MMP24: variants seen among roughly 807,000 people sequenced by gnomAD.
The protein encoded by MMP24 is matrix metalloproteinase-24.
Under a neutral mutation model 62.8 loss-of-function variants are expected in MMP24, and 25 were observed. The ratio of observed to expected loss-of-function variants is 0.40; its 90% CI spans 0.29 to 0.56. The LOEUF is 0.56. Among genes scored for constraint, MMP24 ranks in the 20% least tolerant of loss-of-function variants. The pLI, the probability that MMP24 is intolerant of heterozygous loss-of-function variation, is 0.50. For missense variants in MMP24, 634 were observed against 853.6 expected, an observed-to-expected ratio of 0.74 and a Z score of 3.21; for synonymous variants, 319 against 350.5, an observed-to-expected ratio of 0.91 and a Z score of 1.00.
chr20:35,227,594 C>T (rs1160947671), intron 1 of MMP24, among the ~76,000 whole-genome samples: 1 of 151,908 alleles, frequency 6.6e-6, no homozygotes, highest in East Asian at 1.9e-4. Context: ...AGGCGGCGAG[C>T]TGCTCATCAC....
At chr20:35,245,902 C>T (rs1320072114) in intron 1 of MMP24, among the ~76,000 whole-genome samples, 1 of 151,582 alleles carries the variant, frequency 6.6e-6, no homozygotes, top group African/African-American at 2.4e-5. Flanking sequence ...CACATATTCT[C>T]CTACATATTA....
At chr20:35,261,405 GT>G (rs1265911134) in intron 4 of MMP24, among the ~76,000 whole-genome samples, 1 of 152,194 alleles carries the variant, frequency 6.6e-6, no homozygotes, top group Non-Finnish European at 1.5e-5. Flanking sequence ...ACACAACCCG[GT>G]GAGGTAGGTC....
intron 8 of MMP24, among the ~76,000 whole-genome samples, chr20:35,272,620 G>A (rs1431472723): frequency 6.6e-6 from 1 of 152,166 alleles, no homozygotes; most frequent in African/African-American, 2.4e-5. Context: ...CACTCAGCCT[G>A]TCTCCCCACC....
At chr20:35,247,249 G>T (rs981205915) in intron 2 of MMP24, among the ~76,000 whole-genome samples, 1 of 152,148 alleles carries the variant, frequency 6.6e-6, no homozygotes, top group Non-Finnish European at 1.5e-5. Context: ...AGTACAGTGA[G>T]GGGTTGGGTT....
In MMP24 at chr20:35,271,547, C is replaced by T; in HGVS notation, c.1334-22C>T. On this transcript the variant is annotated intron_variant, in intron 7 of 8. Coordinates refer to ENST00000246186, the MANE Select transcript of MMP24 (RefSeq NM_006690.4). The surrounding 1 kb of genome is among the most constrained non-coding windows in gnomAD (Gnocchi z 4.0). ...GCACTGAGTGACTGGGGAAGCTGAT[C>T]CTGGGCTCCTCTTGGCCACAGGTGA... The T allele has an allele frequency of 6.2e-7, 1 of 1,605,270 alleles. No individual in the cohort carries two copies.
chr20:35,272,059 T>C (rs2060673467), intron 8 of MMP24: 4 of 603,700 alleles, frequency 6.6e-6, no homozygotes, highest in East Asian at 5.6e-5. Flanking sequence ...CAGAGAGACG[T>C]TGTCATAGAC....
rs887564400 is a variant in MMP24 at position 35,248,505 on chromosome 20, A to C, written c.395+1517A>C. ...GTATTTTTAGTAGAGATGGGGTTTC[A>C]CCATGTTGGCCAGGCTGGTCTCGAA... On this transcript the variant is annotated intron_variant, in intron 2 of 8. Transcript: ENST00000246186. Among the ~76,000 whole-genome samples, 8 of 151,970 alleles carry C rather than the reference A, an allele frequency of 5.3e-5. No homozygotes were observed. In the South Asian group the frequency reaches 1.7e-3, roughly 32 times the overall value.
chr20:35,234,578 T>A (rs896037354), intron 1 of MMP24, among the ~76,000 whole-genome samples: 1 of 152,134 alleles, frequency 6.6e-6, no homozygotes, highest in Admixed American at 6.5e-5. Flanking sequence ...TAGCGCACCA[T>A]GGGGAGGCCA....
At chr20:35,246,726 G>C (rs905318581) in intron 1 of MMP24, 114 bp from the exon 2 acceptor site, 6 of 1,213,344 alleles carry the variant, frequency 4.9e-6, no homozygotes, top group Non-Finnish European at 7.1e-6. Context: ...CTCAGAGCAT[G>C]AGTCCAGGAG....
intron 4 of MMP24, among the ~76,000 whole-genome samples, chr20:35,257,519 T>A (rs1413677056): frequency 6.6e-6 from 1 of 152,190 alleles, no homozygotes; most frequent in African/African-American, 2.4e-5. Context: ...TAGAGGCAAA[T>A]GAATGTCCAA....
intron 2 of MMP24, among the ~76,000 whole-genome samples, chr20:35,249,075 T>G (rs2060531223): frequency 6.6e-6 from 1 of 152,184 alleles, no homozygotes; most frequent in South Asian, 2.1e-4. Context: ...GGGGGAGTTG[T>G]GGTCTGGAAG....
At chr20:35,241,293 G>T (rs2060487266) in intron 1 of MMP24, among the ~76,000 whole-genome samples, 1 of 152,022 alleles carries the variant, frequency 6.6e-6, no homozygotes, top group South Asian at 2.1e-4. Context: ...ATCTTCCTTA[G>T]CCTCTAATAC....
intron 1 of MMP24, among the ~76,000 whole-genome samples, chr20:35,242,281 G>T (rs187121970): frequency 1.5e-3 from 227 of 152,092 alleles, no homozygotes; most frequent in African/African-American, 4.6e-3. Context: ...GCAGTGAGCC[G>T]AGATCGTACC....
At chr20:35,273,257 G>A (rs976254593) in intron 8 of MMP24, among the ~76,000 whole-genome samples, 6 of 151,958 alleles carry the variant, frequency 3.9e-5, no homozygotes, top group South Asian at 2.1e-4. Flanking sequence ...TTAGCTGGGC[G>A]TGGTGACATG....
chr20:35,264,639 C>CAG (rs2060621795), intron 5 of MMP24, among the ~76,000 whole-genome samples: 1 of 128,354 alleles, frequency 7.8e-6, no homozygotes, highest in Non-Finnish European at 1.6e-5. Context: ...ACCCAGGAGG[C>CAG]AGAGGTTGCA....
At chr20:35,252,373 T>A (rs1225403751) in intron 3 of MMP24, among the ~76,000 whole-genome samples, 3 of 152,174 alleles carry the variant, frequency 2.0e-5, no homozygotes. Context: ...GTGAGCTATA[T>A]CATGCCACTG....
At chr20:35,265,587 A>G (rs2060628645) in intron 5 of MMP24, among the ~76,000 whole-genome samples, 1 of 152,138 alleles carries the variant, frequency 6.6e-6, no homozygotes, top group South Asian at 2.1e-4. Flanking sequence ...ATTTAAATTT[A>G]TATTTATTAG....
intron 2 of MMP24, among the ~76,000 whole-genome samples, chr20:35,248,299 C>A (rs2060526097): frequency 6.9e-6 from 1 of 144,888 alleles, no homozygotes; most frequent in East Asian, 2.0e-4. Context: ...TTCTAGATTC[C>A]CCCCCCCTTT....
chr20:35,272,487 C>T (rs1410830111), intron 8 of MMP24, among the ~76,000 whole-genome samples: 1 of 152,196 alleles, frequency 6.6e-6, no homozygotes, highest in Admixed American at 6.5e-5. Context: ...ATCCTCCCAC[C>T]TCAGCCTCCC....
Sources: allele counts gnomAD v4.1 joint callset (sites outside exome capture counted in the v4.1 genomes callset), GRCh38; gene constraint gnomAD v4.1.1; non-coding constraint Gnocchi (gnomAD v3.1); transcripts MANE v1.5; gene names NCBI Gene and HGNC (gene_info 2026-07-23, HGNC 2026-07-21).